TM9SF3: variants seen among roughly 807,000 people sequenced by gnomAD.
TM9SF3 encodes transmembrane 9 superfamily member 3, also known as SM-11044-binding protein.
Under a neutral mutation model 78.6 loss-of-function variants are expected in TM9SF3, and 14 were observed. The observed-to-expected ratio is 0.18, with a 90% CI of 0.12 to 0.28. The LOEUF is 0.28. Among genes scored for constraint, TM9SF3 ranks in the 10% least tolerant of loss-of-function variants. The probability of loss-of-function intolerance (pLI) is 1.00; values close to 1 mark genes in which losing one functional copy is unlikely to be tolerated. For missense variants in TM9SF3, 496 were observed against 721.9 expected, an observed-to-expected ratio of 0.69 and a Z score of 3.59; for synonymous variants, 231 against 241.7, an observed-to-expected ratio of 0.96 and a Z score of 0.41.
chr10:96,541,572 T>G (rs1424026535), intron 9 of TM9SF3, among the ~76,000 whole-genome samples: 2 of 152,008 alleles, frequency 1.3e-5, no homozygotes, highest in African/African-American at 4.8e-5. Context: ...TCAGTAGAGA[T>G]AGGGTTTCAC....
At chr10:96,565,971 A>T (rs1848364757) in intron 2 of TM9SF3, among the ~76,000 whole-genome samples, 1 of 152,126 alleles carries the variant, frequency 6.6e-6, no homozygotes, top group Non-Finnish European at 1.5e-5. Context: ...AGCAAACATC[A>T]CTGTTTATAA....
chr10:96,535,742 A>G (rs1172832871), intron 9 of TM9SF3, among the ~76,000 whole-genome samples: 1 of 152,178 alleles, frequency 6.6e-6, no homozygotes, highest in Non-Finnish European at 1.5e-5. Context: ...ATCTACAACA[A>G]TAACAAGTTA....
intron 2 of TM9SF3, among the ~76,000 whole-genome samples, chr10:96,576,068 T>C (rs1171744994): frequency 6.6e-6 from 1 of 152,176 alleles, no homozygotes; most frequent in Admixed American, 6.5e-5. Flanking sequence ...TGATAAATAA[T>C]ACATGTTAAG....
chr10:96,586,293 C>T (rs1314401839), intron 1 of TM9SF3, among the ~76,000 whole-genome samples: 2 of 152,194 alleles, frequency 1.3e-5, no homozygotes, highest in African/African-American at 4.8e-5. Context: ...TAGTGGCTGC[C>T]GGGTAATCAC....
intron 3 of TM9SF3, 57 bp downstream of exon 3, chr10:96,565,247 T>C: frequency 7.0e-7 from 1 of 1,427,732 alleles, no homozygotes; most frequent in Non-Finnish European, 9.2e-7. Context: ...AGAGTCATTT[T>C]ATAAATTCTG....
At position 96,518,877 on chromosome 10, in the gene TM9SF3, A is replaced by C. The variant is rs1005082227; in HGVS notation, c.*3386T>G. ...TTTCATAACTATAGAATTTTAGTGAAGATATAAAACATTAATGAATACTTG... is the reference window on the plus strand; with the variant it reads ...TTTCATAACTATAGAATTTTAGTGACGATATAAAACATTAATGAATACTTG... On this transcript the variant is annotated 3_prime_UTR_variant, in exon 15 of 15. Coordinates refer to ENST00000371142, the MANE Select transcript of TM9SF3 (RefSeq NM_020123.4). 3 of 152,122 alleles carry C rather than the reference A, an allele frequency of 2.0e-5. No homozygotes were observed. Among genetic ancestry groups the C allele is most frequent in the Admixed American group, 1.3e-4 (2 of 15,284 alleles). The allele number at this position is 152,122 out of a possible 1,614,324, so 9.4% of individuals were successfully genotyped here.
At chr10:96,586,550 G>A (rs1214160869) in intron 1 of TM9SF3, among the ~76,000 whole-genome samples, 184 bp downstream of exon 1, 1 of 152,092 alleles carries the variant, frequency 6.6e-6, no homozygotes, top group Admixed American at 6.5e-5. Context: ...CCTGTCCCGG[G>A]AGCGCACGGA....
At chr10:96,551,491 T>C in intron 6 of TM9SF3, 80 bp from the exon 7 acceptor site, 1 of 1,110,300 alleles carries the variant, frequency 9.0e-7, no homozygotes, top group Non-Finnish European at 1.2e-6. Context: ...AAAATTACAG[T>C]TGTAAGTTTC....
intron 1 of TM9SF3, among the ~76,000 whole-genome samples, chr10:96,581,605 G>A (rs780333492): frequency 2.0e-5 from 3 of 152,234 alleles, no homozygotes; most frequent in Admixed American, 6.5e-5. Flanking sequence ...CTGAAAATAG[G>A]ACAACGAATT....
intron 12 of TM9SF3, 187 bp from the exon 13 acceptor site, chr10:96,527,683 T>A (rs1384914159): frequency 1.8e-6 from 1 of 557,166 alleles, no homozygotes; most frequent in Non-Finnish European, 3.1e-6. Flanking sequence ...GAAAGCTCAA[T>A]CTTGAATTTT....
rs200914281 is a variant in TM9SF3, at chr10:96,542,527, C to T, written c.1185+1549G>A. Among the ~76,000 whole-genome samples, 58 of 151,990 alleles carry T rather than the reference C, an allele frequency of 3.8e-4. No individual in the cohort carries two copies. The East Asian group carries it at 9.3e-3, about 24-fold the overall frequency. ...AATTGGTAAAAATTTACAATTTTAG[C>T]GAGACAAAGCAACTTTGAAATACCA... is the stretch of plus-strand genomic sequence containing the variant. On this transcript the variant is annotated intron_variant, in intron 9 of 14. Coordinates refer to ENST00000371142, the MANE Select transcript of TM9SF3 (RefSeq NM_020123.4).
At chr10:96,572,894 A>G (rs1848453417) in intron 2 of TM9SF3, among the ~76,000 whole-genome samples, 2 of 152,112 alleles carry the variant, frequency 1.3e-5, no homozygotes, top group South Asian at 4.1e-4. Context: ...AAAGTTGTGT[A>G]TAAAATCTTG....
chr10:96,529,606 T>C (rs531262680), intron 11 of TM9SF3, among the ~76,000 whole-genome samples: 2 of 146,130 alleles, frequency 1.4e-5, no homozygotes, highest in Admixed American at 1.4e-4. Flanking sequence ...AGGAAAAAAA[T>C]GAAAAAATTT....
intron 9 of TM9SF3, among the ~76,000 whole-genome samples, chr10:96,539,179 T>C (rs1363553169): frequency 1.3e-5 from 2 of 152,152 alleles, no homozygotes; most frequent in African/African-American, 4.8e-5. Flanking sequence ...TATTCATAAA[T>C]GCAACATCAG....
intron 14 of TM9SF3, among the ~76,000 whole-genome samples, chr10:96,524,153 T>G (rs1361494619): frequency 6.6e-6 from 1 of 151,860 alleles, no homozygotes; most frequent in Non-Finnish European, 1.5e-5. Context: ...TCCCTATTTT[T>G]GTATGTATTT....
intron 3 of TM9SF3, among the ~76,000 whole-genome samples, chr10:96,565,026 G>T (rs1848353076): frequency 6.6e-6 from 1 of 152,022 alleles, no homozygotes. Context: ...GGAAGCAGAA[G>T]AAATTTTTAG....
chr10:96,585,178 T>C (rs1452854169), intron 1 of TM9SF3, among the ~76,000 whole-genome samples: 1 of 152,198 alleles, frequency 6.6e-6, no homozygotes. Context: ...TGAGCTTATA[T>C]GCCTGTATCA....
chr10:96,566,790 G>C (rs1026029548), intron 2 of TM9SF3, among the ~76,000 whole-genome samples: 2 of 152,186 alleles, frequency 1.3e-5, no homozygotes, highest in Non-Finnish European at 2.9e-5. Flanking sequence ...GCAGGAGCTA[G>C]AAAAACTGAC....
chr10:96,524,366 T>C (rs910183950), intron 14 of TM9SF3, among the ~76,000 whole-genome samples: 4 of 151,852 alleles, frequency 2.6e-5, no homozygotes, highest in African/African-American at 7.2e-5. Flanking sequence ...TGTGAAAATA[T>C]ACCTGAATCC....
Sources: allele counts gnomAD v4.1 joint callset (sites outside exome capture counted in the v4.1 genomes callset), GRCh38; gene constraint gnomAD v4.1.1; transcripts MANE v1.5; gene names NCBI Gene and HGNC (gene_info 2026-07-23, HGNC 2026-07-21).